Variants in BLTP1 observed in about 807,000 individuals in gnomAD.
The protein encoded by BLTP1 is bridge-like lipid transfer protein family member 1, also known as fragile site-associated protein.
chr4:122,206,063 A>C, the BLTP1 span: 55 of 981,924 alleles, frequency 5.6e-5, no homozygotes, highest in Non-Finnish European at 6.7e-5. Flanking sequence ...AAGGGTAAAC[A>C]GACAAAATAT....
the BLTP1 span, among the ~76,000 whole-genome samples, chr4:122,238,667 C>T: frequency 5.3e-5 from 8 of 152,286 alleles, no homozygotes; most frequent in East Asian, 1.9e-4. Flanking sequence ...TTTTGTTCCT[C>T]CTCTTGCCAC....
At chr4:122,355,695 G>C in the BLTP1 span, 1 of 1,231,018 alleles carries the variant, frequency 8.1e-7, no homozygotes, top group South Asian at 2.2e-5. Flanking sequence ...TTCCAACTTT[G>C]GAAATAATAG....
At chr4:122,275,332 T>G in the BLTP1 span, among the ~76,000 whole-genome samples, 2 of 152,012 alleles carry the variant, frequency 1.3e-5, no homozygotes, top group African/African-American at 4.8e-5. Flanking sequence ...TAAATTGAGG[T>G]TCAGAAAGAT....
the BLTP1 span, chr4:122,192,493 G>GACT: frequency 1.4e-6 from 1 of 717,468 alleles, no homozygotes; most frequent in Non-Finnish European, 2.2e-6. Flanking sequence ...GGCAGAGGAA[G>GACT]ATATCACTAA....
At chr4:122,329,488 T>C in the BLTP1 span, among the ~76,000 whole-genome samples, 1,085 of 151,878 alleles carry the variant, frequency 7.1e-3, 8 homozygotes, top group African/African-American at 0.025. Context: ...TTTCTTAGAA[T>C]ATAAATTTGG....
At chr4:122,164,540 C>T in the BLTP1 span, 1 of 391,616 alleles carries the variant, frequency 2.6e-6, no homozygotes, top group Non-Finnish European at 3.5e-6. Flanking sequence ...TTTGACTTAT[C>T]CTATTGCTGC....
chr4:122,276,264 G>A, the BLTP1 span: 1 of 369,690 alleles, frequency 2.7e-6, no homozygotes, highest in Non-Finnish European at 4.3e-6. Context: ...CTGTAGTTGT[G>A]TGTTGCTTGT....
the BLTP1 span, chr4:122,254,254 AGATTCATG>A: frequency 6.2e-7 from 1 of 1,613,006 alleles, no homozygotes; most frequent in South Asian, 1.1e-5. Flanking sequence ...CTCCTCCTCC[AGATTCATG>A]TAGCATGAAG....
At chr4:122,359,840 T>TA in the BLTP1 span, 5 of 1,427,000 alleles carry the variant, frequency 3.5e-6, no homozygotes, top group South Asian at 3.1e-5. Context: ...TAGTCTCCTG[T>TA]AATGTCTATA....
the BLTP1 span, among the ~76,000 whole-genome samples, chr4:122,177,180 C>T: frequency 6.6e-6 from 1 of 152,278 alleles, no homozygotes; most frequent in East Asian, 1.9e-4. Flanking sequence ...CGGTATTTTC[C>T]ATCTTATCAA....
the BLTP1 span, chr4:122,198,454 G>A: frequency 4.1e-6 from 4 of 984,984 alleles, no homozygotes; most frequent in Non-Finnish European, 4.8e-6. Context: ...TAATGTTTCA[G>A]TTAAGGAAGT....
the BLTP1 span, chr4:122,198,521 A>T: frequency 8.2e-6 from 7 of 852,222 alleles, no homozygotes; most frequent in Non-Finnish European, 8.5e-6. Context: ...TTACTGTTTT[A>T]TGCAGTATTA....
chr4:122,205,499 T>TTCTCTC, the BLTP1 span, among the ~76,000 whole-genome samples: 34 of 140,918 alleles, frequency 2.4e-4, no homozygotes, highest in African/African-American at 7.3e-4. Flanking sequence ...TTCCAATTGT[T>TTCTCTC]TCTCTCTCTC....
chr4:122,224,365 G>A, the BLTP1 span: 2 of 961,698 alleles, frequency 2.1e-6, no homozygotes, highest in East Asian at 2.6e-5. Context: ...TGTGTTAGGA[G>A]CTTGTGGATT....
the BLTP1 span, chr4:122,356,872 G>C: frequency 1.4e-6 from 2 of 1,461,180 alleles, no homozygotes; most frequent in Non-Finnish European, 9.0e-7. Flanking sequence ...GTGAGTTGAA[G>C]ATATCAGTAA....
the BLTP1 span, chr4:122,224,901 C>T: frequency 2.4e-5 from 33 of 1,370,830 alleles, no homozygotes; most frequent in Non-Finnish European, 3.1e-5. Flanking sequence ...TGTGTGTAGA[C>T]CTATATAATA....
the BLTP1 span, chr4:122,258,649 C>G: frequency 1.3e-6 from 2 of 1,555,502 alleles, no homozygotes; most frequent in Admixed American, 2.0e-5. Context: ...GCTGATGTTT[C>G]ATGAAAATGT....
chr4:122,186,406 TAAA>T, the BLTP1 span, among the ~76,000 whole-genome samples: 1 of 151,976 alleles, frequency 6.6e-6, no homozygotes, highest in South Asian at 2.1e-4. Context: ...ATATGTAATC[TAAA>T]AAAGTCCCGT....
chr4:122,240,104 T>C, the BLTP1 span: 1 of 1,614,162 alleles, frequency 6.2e-7, no homozygotes, highest in Non-Finnish European at 8.5e-7. Flanking sequence ...GAGAAGATGA[T>C]GTTATAGAAC....
Sources: allele counts gnomAD v4.1 joint callset (sites outside exome capture counted in the v4.1 genomes callset), GRCh38; gene constraint gnomAD v4.1.1; transcripts MANE v1.5; gene names NCBI Gene and HGNC (gene_info 2026-07-23, HGNC 2026-07-21).